The following RASSF3 variants were observed in gnomAD, a reference collection of about 807,000 sequenced individuals.
The protein encoded by RASSF3 is Ras association domain family member 3.
In RASSF3, 19 loss-of-function variants were observed where a neutral mutation model predicts 19.9. The ratio of observed to expected loss-of-function variants is 0.96; its 90% confidence interval spans 0.67 to 1.40. RASSF3 has a LOEUF of 1.40. RASSF3 is among the 40% of genes most tolerant of loss of function. RASSF3 has a pLI of 0.00. For synonymous variants in RASSF3, 110 were observed against 104.2 expected (o/e 1.06, Z -0.34); for missense variants, 306 against 289.8 (o/e 1.06, Z -0.41).
In RASSF3 at chr12:64,688,426, T is replaced by C. The variant is rs1458084063; in HGVS notation, c.430T>C (p.Tyr144His). The C allele has an allele frequency of 5.0e-6, 8 of 1,613,988 alleles. No homozygotes were observed. Among genetic ancestry groups the C allele is most frequent in the African/African-American group, 2.7e-5 (2 of 74,938 alleles). ...TGAGAGCCCTGCCAAGTTTGCACTTTATAAGCGTTGTCACAGGGAAGACCA... is the reference window on the plus strand; with the variant it reads ...TGAGAGCCCTGCCAAGTTTGCACTTCATAAGCGTTGTCACAGGGAAGACCA... ...VTESPAKFALYKRCHREDQVY... is the reference protein window; with the variant it reads ...VTESPAKFALHKRCHREDQVY... Residue 144 changes from tyrosine to histidine, a missense_variant, in exon 3 of 5, where the codon TAT becomes CAT. Tyr to His is a moderately conservative substitution (Grantham distance 83). Coordinates refer to ENST00000542104, the MANE Select transcript of RASSF3 (RefSeq NM_178169.4).
intron 1 of RASSF3, among the ~76,000 whole-genome samples, chr12:64,656,796 T>C (rs1022297376): frequency 1.3e-5 from 2 of 152,224 alleles, no homozygotes; most frequent in Non-Finnish European, 2.9e-5. Flanking sequence ...CATTTTAGGC[T>C]GTCATTAAAG....
chr12:64,544,238 C>T (rs1015184083), downstream of RASSF3, among the ~76,000 whole-genome samples: 2 of 151,724 alleles, frequency 1.3e-5, no homozygotes, highest in African/African-American at 4.8e-5. Context: ...ACCACGAACC[C>T]ACCGGGAGGA....
chr12:64,557,036 C>A (rs955193245), intron 2 of RASSF3, among the ~76,000 whole-genome samples: 12 of 152,020 alleles, frequency 7.9e-5, no homozygotes, highest in Non-Finnish European at 1.3e-4. Flanking sequence ...GGGGTTTCCC[C>A]ATGTTGGCCA....
chr12:64,573,439 A>C (rs1467898689), intron 2 of RASSF3, among the ~76,000 whole-genome samples: 1 of 152,252 alleles, frequency 6.6e-6, no homozygotes, highest in Non-Finnish European at 1.5e-5. Context: ...ATCCAATGGA[A>C]TAGATCATAT....
At chr12:64,615,113 A>G (rs977702227) in intron 1 of RASSF3, among the ~76,000 whole-genome samples, 1 of 152,198 alleles carries the variant, frequency 6.6e-6, no homozygotes, top group Non-Finnish European at 1.5e-5. Context: ...CCACCTAATC[A>G]TTGTTTTCAG....
At chr12:64,607,671 G>A (rs901089393), upstream of RASSF3, among the ~76,000 whole-genome samples, 2 of 152,094 alleles carry the variant, frequency 1.3e-5, no homozygotes, top group South Asian at 2.1e-4. Context: ...CACCTCACTC[G>A]GCCCTTTCCT....
rs117927694 is a variant in RASSF3, at chr12:64,519,215, C to T, written c.169+11886C>T. Among the ~76,000 whole-genome samples, 71 of 152,220 alleles carry T rather than the reference C, an allele frequency of 4.7e-4. No individual in the cohort carries two copies. In the East Asian group the frequency reaches 0.013, roughly 27 times the overall value. The stretch of plus-strand genomic sequence containing the variant: ...AGTAGTTCAAGACCAGCCTGGGCTA[C>T]GTGGAGAGACCCCATCTCTACTAAA... On this transcript the variant is annotated intron_variant, in intron 1 of 5. Transcript: ENST00000637125.
chr12:64,594,718 C>A (rs527576313), intron 2 of RASSF3, among the ~76,000 whole-genome samples: 1 of 152,182 alleles, frequency 6.6e-6, no homozygotes, highest in East Asian at 1.9e-4. Context: ...CACAGCATAC[C>A]CTTCCCTTTT....
intron 1 of RASSF3, among the ~76,000 whole-genome samples, chr12:64,658,832 G>A (rs934239559): frequency 6.6e-6 from 1 of 152,212 alleles, no homozygotes; most frequent in African/African-American, 2.4e-5. Context: ...ACTTTGGGAG[G>A]CTGAGGCAGG....
intron 2 of RASSF3, among the ~76,000 whole-genome samples, chr12:64,581,350 C>T (rs1341655793): frequency 6.6e-6 from 1 of 152,180 alleles, no homozygotes; most frequent in Non-Finnish European, 1.5e-5. Flanking sequence ...AGCTGAGCAA[C>T]TTAAAACATC....
At chr12:64,653,876 A>T (rs1872052976) in intron 1 of RASSF3, among the ~76,000 whole-genome samples, 1 of 152,020 alleles carries the variant, frequency 6.6e-6, no homozygotes, top group South Asian at 2.1e-4. Flanking sequence ...GCTCTCCAGT[A>T]GTGTATCTAG....
At chr12:64,579,955 C>T (rs1869663436) in intron 2 of RASSF3, among the ~76,000 whole-genome samples, 1 of 151,932 alleles carries the variant, frequency 6.6e-6, no homozygotes, top group African/African-American at 2.4e-5. Context: ...GCTGGGATTA[C>T]AGGCATGCGC....
rs776416769 is a variant in RASSF3, at chr12:64,691,627, C to CTG, written c.567+49_567+50insGT. ...TTTAAACTATACAGAACAGCTGGCCCTATTTTATTGCAGTAGCCTAGTGAC... is the reference window on the plus strand; with the variant it reads ...TTTAAACTATACAGAACAGCTGGCCCTGTATTTTATTGCAGTAGCCTAGTGAC... On this transcript the variant is annotated intron_variant, in intron 4 of 4. Transcript: ENST00000542104. The CTG allele has an allele frequency of 2.9e-6, 3 of 1,020,842 alleles. No individual in the cohort carries two copies. In the South Asian group the frequency reaches 4.0e-5, roughly 14 times the overall value. The allele number at this position is 1,020,842 out of a possible 1,614,324, so 63.2% of individuals were successfully genotyped here.
At chr12:64,673,461 GACCGTAGTCCA>G (rs1158374310) in intron 1 of RASSF3, among the ~76,000 whole-genome samples, 3 of 152,146 alleles carry the variant, frequency 2.0e-5, no homozygotes, top group Non-Finnish European at 4.4e-5. Context: ...TGTTGAAAGG[GACCGTAGTCCA>G]GTGGCCTCTT....
upstream of RASSF3, among the ~76,000 whole-genome samples, chr12:64,530,321 T>TC (rs397703771): frequency 6.6e-6 from 1 of 151,800 alleles, no homozygotes; most frequent in East Asian, 1.9e-4. Flanking sequence ...TTTTTTTTTT[T>TC]CCATAGAGAC....
chr12:64,570,263 C>A (rs907208300), intron 2 of RASSF3, among the ~76,000 whole-genome samples: 1 of 152,088 alleles, frequency 6.6e-6, no homozygotes, highest in Non-Finnish European at 1.5e-5. Context: ...AAAAATGGGC[C>A]GATGCTGATT....
chr12:64,665,590 A>AT (rs949957011), intron 1 of RASSF3, among the ~76,000 whole-genome samples: 2 of 152,108 alleles, frequency 1.3e-5, no homozygotes, highest in Non-Finnish European at 2.9e-5. Context: ...TCAGTTTACC[A>AT]TTGCCATGGT....
chr12:64,518,667 T>C (rs1868409894), intron 1 of RASSF3, among the ~76,000 whole-genome samples: 1 of 152,226 alleles, frequency 6.6e-6, no homozygotes, highest in South Asian at 2.1e-4. Context: ...TGAGAAGCAT[T>C]GTATACTTGA....
At chr12:64,545,753 C>T (rs1385217444), downstream of RASSF3, among the ~76,000 whole-genome samples, 3 of 152,046 alleles carry the variant, frequency 2.0e-5, no homozygotes, top group Admixed American at 2.0e-4. Flanking sequence ...GTAGTGAGAC[C>T]TCATCTCTAC....
Sources: allele counts gnomAD v4.1 joint callset (sites outside exome capture counted in the v4.1 genomes callset), GRCh38; gene constraint gnomAD v4.1.1; transcripts MANE v1.5; gene names NCBI Gene and HGNC (gene_info 2026-07-23, HGNC 2026-07-21).